ANK3: variants seen among roughly 807,000 people sequenced by gnomAD.
ANK3 encodes ankyrin-3.
A neutral mutation model predicts 370.9 loss-of-function variants in ANK3; 57 were observed. That is an observed-to-expected ratio of 0.15 (90% confidence interval 0.12 to 0.19). ANK3 has a LOEUF of 0.19. ANK3 is among the 10% of genes least tolerant of loss of function. The pLI, the probability that ANK3 is intolerant of heterozygous loss-of-function variation, is 1.00. For missense variants in ANK3, 4,439 were observed against 5,302.1 expected (o/e 0.84, Z 5.06); for synonymous variants, 1,929 against 1,946.3 (o/e 0.99, Z 0.23).
At chr10:60,260,549 C>A (rs774746532) in intron 7 of ANK3, among the ~76,000 whole-genome samples, 1 of 152,020 alleles carries the variant, frequency 6.6e-6, no homozygotes, top group Non-Finnish European at 1.5e-5. Flanking sequence ...TATGTCCCCA[C>A]CCAAATCTCA....
At chr10:60,204,573 A>C (rs545389112) in intron 11 of ANK3, among the ~76,000 whole-genome samples, 10 of 152,336 alleles carry the variant, frequency 6.6e-5, no homozygotes, top group Non-Finnish European at 1.5e-4. Flanking sequence ...AAGAAACTGA[A>C]GCCAAGCAAC....
chr10:60,285,883 C>G (rs1187258430), intron 1 of ANK3, among the ~76,000 whole-genome samples: 1 of 152,142 alleles, frequency 6.6e-6, no homozygotes, highest in Non-Finnish European at 1.5e-5. Context: ...ATCCTAGCCA[C>G]CCAGGCATGC....
chr10:60,065,992 C>A (rs899770378), intron 38 of ANK3, among the ~76,000 whole-genome samples: 1 of 151,390 alleles, frequency 6.6e-6, no homozygotes, highest in Non-Finnish European at 1.5e-5. Context: ...ATAAAACGTT[C>A]TTGTTTTAAA....
chr10:60,142,511 G>A (rs2094614190), intron 23 of ANK3, among the ~76,000 whole-genome samples: 1 of 151,824 alleles, frequency 6.6e-6, no homozygotes, highest in African/African-American at 2.4e-5. Flanking sequence ...ATAAATATAA[G>A]TTATTTTTAT....
intron 1 of ANK3, among the ~76,000 whole-genome samples, chr10:60,729,713 C>T (rs2079993356): frequency 6.6e-6 from 1 of 152,178 alleles, no homozygotes; most frequent in African/African-American, 2.4e-5. Context: ...ACATCAAATA[C>T]TAGAAGCAGT....
intron 5 of ANK3, among the ~76,000 whole-genome samples, chr10:60,269,648 TC>T (rs71836520): frequency 0.17 from 18,259 of 110,036 alleles, 1,166 homozygotes; most frequent in African/African-American, 0.21. Context: ...CCATCCCCCC[TC>T]CCCCCCCCCA....
intron 2 of ANK3, among the ~76,000 whole-genome samples, chr10:60,475,487 G>C (rs1488274957): frequency 2.0e-5 from 3 of 152,100 alleles, no homozygotes; most frequent in Non-Finnish European, 4.4e-5. Context: ...GACAATAGAA[G>C]TCTGATTTTA....
At chr10:60,247,040 G>T (rs1165626925) in intron 7 of ANK3, among the ~76,000 whole-genome samples, 1 of 152,100 alleles carries the variant, frequency 6.6e-6, no homozygotes, top group African/African-American at 2.4e-5. Flanking sequence ...ATTTGAGATG[G>T]AGTCTCGCTC....
chr10:60,497,417 C>T (rs1351751302), intron 2 of ANK3, among the ~76,000 whole-genome samples: 1 of 152,084 alleles, frequency 6.6e-6, no homozygotes. Context: ...TATGCTTAAC[C>T]CCAAAAGCCA....
In ANK3 at chr10:60,030,813, G is replaced by A. The variant is rs112586737; in HGVS notation, c.*20-987C>T. 7.7e-3 allele frequency among the ~76,000 whole-genome samples: 1,170 copies of A among 152,320 alleles called. 24 individuals are homozygous for A. Among genetic ancestry groups the A allele is most frequent in the African/African-American group, 0.026 (1,099 of 41,574 alleles). Reference sequence around the variant, plus strand: ...GTGCTTTGGTGTTTGGTGTTCGACTGTCCATTGTGCACGGGCAAACACCCA... The same window carrying A: ...GTGCTTTGGTGTTTGGTGTTCGACTATCCATTGTGCACGGGCAAACACCCA... On this transcript the variant is annotated intron_variant, in intron 43 of 43. Coordinates refer to ENST00000280772, the MANE Select transcript of ANK3 (RefSeq NM_020987.5).
intron 1 of ANK3, among the ~76,000 whole-genome samples, chr10:60,683,682 C>T (rs754447284): frequency 6.6e-6 from 1 of 152,214 alleles, no homozygotes; most frequent in Non-Finnish European, 1.5e-5. Context: ...ACACTCCTTT[C>T]TTCAGTTTCC....
chr10:60,722,484 A>G (rs542568279), intron 1 of ANK3, among the ~76,000 whole-genome samples: 1 of 152,314 alleles, frequency 6.6e-6, no homozygotes, highest in South Asian at 2.1e-4. Flanking sequence ...ATTAATTGCC[A>G]AAACCTCAAA....
intron 17 of ANK3, among the ~76,000 whole-genome samples, chr10:60,186,345 G>A (rs900839962): frequency 8.5e-6 from 1 of 117,746 alleles, no homozygotes; most frequent in African/African-American, 3.5e-5. Context: ...TTATCTTTCT[G>A]TCTTTTTTTT....
intron 1 of ANK3, among the ~76,000 whole-genome samples, chr10:60,659,486 G>A (rs1164026152): frequency 6.6e-6 from 1 of 151,994 alleles, no homozygotes; most frequent in Non-Finnish European, 1.5e-5. Flanking sequence ...TTATCTGCAA[G>A]AGAGTTTGTG....
At chr10:60,588,758 AAC>A (rs1045637236) in intron 2 of ANK3, among the ~76,000 whole-genome samples, 22 of 152,068 alleles carry the variant, frequency 1.4e-4, no homozygotes, top group Admixed American at 8.5e-4. Context: ...AATAAAAAAA[AAC>A]ATAGTTGGGC....
chr10:60,463,855 G>A (rs1416832543), intron 2 of ANK3, among the ~76,000 whole-genome samples: 1 of 151,820 alleles, frequency 6.6e-6, no homozygotes, highest in African/African-American at 2.4e-5. Context: ...TGTGTGTGGA[G>A]GAAGGGAGCT....
intron 1 of ANK3, among the ~76,000 whole-genome samples, chr10:60,673,267 T>G (rs2079084547): frequency 6.6e-6 from 1 of 152,126 alleles, no homozygotes; most frequent in African/African-American, 2.4e-5. Flanking sequence ...TCCTTCTCCT[T>G]GACAAGCTGG....
chr10:60,256,047 C>T (rs1020753076), intron 7 of ANK3, among the ~76,000 whole-genome samples: 2 of 152,194 alleles, frequency 1.3e-5, no homozygotes, highest in African/African-American at 4.8e-5. Flanking sequence ...GGGGGCACAG[C>T]CTGTGGTCTT....
intron 28 of ANK3, among the ~76,000 whole-genome samples, chr10:60,095,308 C>A (rs1368162968): frequency 6.6e-6 from 1 of 152,228 alleles, no homozygotes; most frequent in African/African-American, 2.4e-5. Context: ...TCACATCAAA[C>A]AACTGTACAG....
Sources: allele counts gnomAD v4.1 joint callset (sites outside exome capture counted in the v4.1 genomes callset), GRCh38; gene constraint gnomAD v4.1.1; transcripts MANE v1.5; gene names NCBI Gene and HGNC (gene_info 2026-07-23, HGNC 2026-07-21).